Variants in STAU2 observed in about 807,000 individuals in gnomAD.
STAU2 encodes the protein double-stranded RNA-binding protein Staufen homolog 2.
A neutral mutation model predicts 65.9 loss-of-function variants in STAU2; 20 were observed. The observed-to-expected ratio is 0.30, with a 90% confidence interval of 0.21 to 0.44. STAU2 has a LOEUF of 0.44. STAU2 is among the 20% of genes least tolerant of loss of function. The pLI is 1.00. For synonymous variants in STAU2, 232 were observed against 233.9 expected (o/e 0.99, Z 0.07); for missense variants, 558 against 683.9 (o/e 0.82, Z 2.05).
chr8:73,592,080 TA>T (rs1304922782), intron 11 of STAU2, among the ~76,000 whole-genome samples: 1 of 149,962 alleles, frequency 6.7e-6, no homozygotes, highest in Non-Finnish European at 1.5e-5. Context: ...AACAAAAAAT[TA>T]AAAACAAAAA....
chr8:73,475,146 G>C (rs551825300), intron 13 of STAU2, among the ~76,000 whole-genome samples: 2 of 152,126 alleles, frequency 1.3e-5, no homozygotes, highest in African/African-American at 4.8e-5. Flanking sequence ...CATGGGGTGG[G>C]GGCTTCTGGG....
intron 6 of STAU2, among the ~76,000 whole-genome samples, chr8:73,626,519 G>A (rs556912924): frequency 2.0e-4 from 30 of 152,206 alleles, no homozygotes; most frequent in Non-Finnish European, 3.2e-4. Context: ...TACCCGAGGA[G>A]AGGCAAGAAG....
chr8:73,430,615 C>T (rs1817198206), intron 13 of STAU2, among the ~76,000 whole-genome samples: 1 of 152,168 alleles, frequency 6.6e-6, no homozygotes. Flanking sequence ...GCAGAGTGAG[C>T]TTTTGCTATC....
chr8:73,575,064 TAAAAG>T (rs1456333489), intron 12 of STAU2, among the ~76,000 whole-genome samples: 1 of 149,614 alleles, frequency 6.7e-6, no homozygotes, highest in Non-Finnish European at 1.5e-5. Context: ...AACCAAACTT[TAAAAG>T]AAAACAGAGA....
At chr8:73,550,513 T>C in intron 13 of STAU2, 1 of 986,352 alleles carries the variant, frequency 1.0e-6, no homozygotes, top group Non-Finnish European at 1.2e-6. Context: ...TCTCAGACAT[T>C]TCTAAATGAT....
chr8:73,551,489 TTTAA>T (rs79320778), intron 13 of STAU2: 157,949 of 987,180 alleles, frequency 0.16, 13,797 homozygotes, highest in Non-Finnish European at 0.18. Context: ...AAATATCATG[TTTAA>T]TTAACTCCTA....
At chr8:73,594,229 T>C (rs557169650) in intron 11 of STAU2, among the ~76,000 whole-genome samples, 9 of 152,284 alleles carry the variant, frequency 5.9e-5, no homozygotes, top group African/African-American at 2.2e-4. Flanking sequence ...AAAAACAGAA[T>C]TGAAATCTCT....
chr8:73,427,053 C>T (rs529547979), intron 13 of STAU2, among the ~76,000 whole-genome samples: 21 of 151,848 alleles, frequency 1.4e-4, no homozygotes, highest in South Asian at 6.3e-4. Flanking sequence ...CTCAGCCTCC[C>T]GAGTAGCTGG....
intron 13 of STAU2, among the ~76,000 whole-genome samples, chr8:73,517,422 C>T (rs1277308492): frequency 1.7e-5 from 2 of 121,138 alleles, no homozygotes; most frequent in African/African-American, 3.2e-5. Context: ...GAGTTCTTGT[C>T]TCAATAAATA....
At chr8:73,475,771 G>T (rs1231805247) in intron 13 of STAU2, among the ~76,000 whole-genome samples, 1 of 152,200 alleles carries the variant, frequency 6.6e-6, no homozygotes, top group Non-Finnish European at 1.5e-5. Flanking sequence ...GAGGTTAAAT[G>T]ATATGCGTAT....
intron 13 of STAU2, among the ~76,000 whole-genome samples, chr8:73,530,405 A>C (rs1805736078): frequency 6.6e-6 from 1 of 152,164 alleles, no homozygotes; most frequent in Admixed American, 6.5e-5. Flanking sequence ...TCCAATCACA[A>C]AGAACACACA....
At position 73,481,259 on chromosome 8, in the gene STAU2, G is replaced by A. The variant is rs531418094; in HGVS notation, c.1531-58557C>T. On this transcript the variant is annotated intron_variant, in intron 13 of 14. Coordinates refer to ENST00000524300, the MANE Select transcript of STAU2 (RefSeq NM_001164380.2). Reference sequence around the variant, plus strand: ...TTTTACCACCTAGAAAACACTTGGGGTTTTAGTTTTGGAACCCTGCACAGC... The same window carrying A: ...TTTTACCACCTAGAAAACACTTGGGATTTTAGTTTTGGAACCCTGCACAGC... Among the ~76,000 whole-genome samples the A allele has an allele frequency of 7.2e-5, 11 of 151,938 alleles. No homozygotes were observed. The South Asian group carries it at 2.3e-3, about 32-fold the overall frequency.
In STAU2 at chr8:73,627,208, C is replaced by CA. The variant is rs1443258850; in HGVS notation, c.411-9758_411-9757insT. On this transcript the variant is annotated intron_variant, in intron 6 of 14. Transcript: ENST00000524300. Reference sequence around the variant, plus strand: ...GTGGAGTGATGCTGCAGGAATACGGCGGGGGGGGGGGGGGAGGGGGGGGCA... The same window carrying CA: ...GTGGAGTGATGCTGCAGGAATACGGCAGGGGGGGGGGGGGGAGGGGGGGGCA... 7.1e-3 allele frequency among the ~76,000 whole-genome samples: 16 copies of CA among 2,268 alleles called. 3 individuals are homozygous for CA. Among genetic ancestry groups the CA allele is most frequent in the Admixed American group, 0.017 (2 of 118 alleles). 1.5% of individuals were successfully genotyped at this position (2,268 alleles called of 152,430 possible).
chr8:73,508,754 G>A (rs945901996), intron 13 of STAU2, among the ~76,000 whole-genome samples: 3 of 152,106 alleles, frequency 2.0e-5, no homozygotes, highest in African/African-American at 7.2e-5. Flanking sequence ...ACAATATGTG[G>A]TCTCATGTCT....
chr8:73,481,119 C>T (rs537883777), intron 13 of STAU2, among the ~76,000 whole-genome samples: 1 of 152,000 alleles, frequency 6.6e-6, no homozygotes, highest in Non-Finnish European at 1.5e-5. Flanking sequence ...CCTTGGAAGC[C>T]CTTAGAATCC....
At chr8:73,619,191 C>T (rs558577439) in intron 6 of STAU2, among the ~76,000 whole-genome samples, 1 of 152,072 alleles carries the variant, frequency 6.6e-6, no homozygotes, top group Admixed American at 6.5e-5. Context: ...CAAGCAAGCA[C>T]GATGTCCTTC....
At chr8:73,569,469 C>T (rs1268385259) in intron 12 of STAU2, among the ~76,000 whole-genome samples, 1 of 152,016 alleles carries the variant, frequency 6.6e-6, no homozygotes, top group Non-Finnish European at 1.5e-5. Context: ...AGTGGTTCTC[C>T]CAGCATGGAG....
At chr8:73,746,989 C>T, upstream of STAU2, 2 of 509,686 alleles carry the variant, frequency 3.9e-6, no homozygotes, top group Non-Finnish European at 5.0e-6. Flanking sequence ...CGCGCCCCAG[C>T]ACGCCCGGCC....
In STAU2 at chr8:73,644,705, A is replaced by G. The variant is rs1265939186; in HGVS notation, c.411-27254T>C. On this transcript the variant is annotated intron_variant, in intron 6 of 14. Coordinates refer to ENST00000524300, the MANE Select transcript of STAU2 (RefSeq NM_001164380.2). ...ATAAAACTGACAAACTTCCAGCAAC[A>G]CTGACAAAGAAAAAAGAAGACACAA... Among the ~76,000 whole-genome samples, 6 of 152,298 alleles carry G rather than the reference A, an allele frequency of 3.9e-5. No individual in the cohort carries two copies. In the East Asian group the frequency reaches 9.6e-4, roughly 24 times the overall value.
Sources: gnomAD v4.1 joint callset for allele counts (sites outside exome capture counted in the v4.1 genomes callset) on GRCh38, gnomAD v4.1.1 for gene constraint, MANE v1.5 for transcripts, NCBI Gene and HGNC (gene_info 2026-07-23, HGNC 2026-07-21) for gene names.